Variants in MIS18BP1 observed in about 807,000 individuals in gnomAD.
MIS18BP1 encodes mis18-binding protein 1.
A neutral mutation model predicts 116.1 loss-of-function variants in MIS18BP1; 72 were observed. The observed-to-expected ratio is 0.62, with a 90% CI of 0.51 to 0.75. MIS18BP1 has a LOEUF of 0.75. Ranked by LOEUF, MIS18BP1 falls within the 30% of genes least tolerant of loss-of-function variation. The pLI is 0.00. For synonymous variants in MIS18BP1, 386 were observed against 427.0 expected, an observed-to-expected ratio of 0.90 and a Z score of 1.18; for missense variants, 1,363 against 1,303.2, an observed-to-expected ratio of 1.05 and a Z score of -0.71.
intron 6 of MIS18BP1, among the ~76,000 whole-genome samples, chr14:45,233,572 T>C (rs1207822334): frequency 6.6e-6 from 1 of 152,170 alleles, no homozygotes; most frequent in Non-Finnish European, 1.5e-5. Context: ...ACTGTAATGA[T>C]ACAAACAAAT....
rs746980135 is a variant in MIS18BP1 at position 45,242,205 on chromosome 14, T to A, written c.972A>T (p.Lys324Asn). The A allele has an allele frequency of 6.2e-7, 1 of 1,614,146 alleles. No individual in the cohort carries two copies. The highest frequency in any genetic ancestry group is 8.5e-7 in the Non-Finnish European group (1 of 1,180,006). ...SQQKVKEGNGKTVPGETGLPG... is the reference protein window; with the variant it reads ...SQQKVKEGNGNTVPGETGLPG... The stretch of plus-strand genomic sequence containing the variant: ...GAAGACCTGTCTCTCCAGGCACTGT[T>A]TTTCCATTTCCTTCCTTAACTTTCT... Residue 324 changes from lysine to asparagine, a missense_variant, in exon 4 of 17, where the codon AAA becomes AAT. Lys to Asn is a moderately conservative substitution (Grantham distance 94). Transcript: ENST00000310806.
At chr14:45,240,225 AT>A (rs1334393928) in intron 4 of MIS18BP1, among the ~76,000 whole-genome samples, 2 of 152,050 alleles carry the variant, frequency 1.3e-5, no homozygotes, top group Non-Finnish European at 2.9e-5. Flanking sequence ...TAATTCCAAC[AT>A]TTTTAGGACT....
At chr14:45,236,029 C>A in intron 5 of MIS18BP1, 85 bp from the exon 6 acceptor site, 1 of 1,207,604 alleles carries the variant, frequency 8.3e-7, no homozygotes, top group South Asian at 1.4e-5. Flanking sequence ...TTAGCTACAG[C>A]AACACTAAGA....
intron 4 of MIS18BP1, 28 bp from the exon 5 acceptor site, chr14:45,237,749 T>G: frequency 6.4e-7 from 1 of 1,565,196 alleles, no homozygotes. Flanking sequence ...AAAGAACATA[T>G]TTCCTGTATT....
intron 3 of MIS18BP1, 75 bp from the exon 4 acceptor site, chr14:45,242,593 G>C: frequency 6.7e-7 from 1 of 1,501,112 alleles, no homozygotes; most frequent in South Asian, 1.4e-5. Flanking sequence ...GATAAATTTA[G>C]GTTAGGAACG....
intron 8 of MIS18BP1, among the ~76,000 whole-genome samples, chr14:45,228,212 A>G (rs1208655688): frequency 6.6e-6 from 1 of 152,218 alleles, no homozygotes; most frequent in African/African-American, 2.4e-5. Flanking sequence ...AATATTTGTT[A>G]TAATTTGACT....
chr14:45,232,914 C>G (rs1329001285), intron 6 of MIS18BP1, 94 bp from the exon 7 acceptor site: 1 of 650,532 alleles, frequency 1.5e-6, no homozygotes, highest in Non-Finnish European at 2.7e-6. Context: ...AAATATGCAC[C>G]TATTGCTTAA....
intron 3 of MIS18BP1, 94 bp downstream of exon 3, chr14:45,242,667 C>A: frequency 6.8e-7 from 1 of 1,462,100 alleles, no homozygotes; most frequent in South Asian, 1.3e-5. Flanking sequence ...TTGTCCACAG[C>A]TAAAGTTTAA....
chr14:45,224,881 T>C (rs1240865036), intron 10 of MIS18BP1, 135 bp from the exon 11 acceptor site: 3 of 665,880 alleles, frequency 4.5e-6, no homozygotes, highest in Middle Eastern at 4.2e-4. Context: ...CCACCTGTCA[T>C]ATTAATCTTT....
chr14:45,223,851 A>G lies in MIS18BP1; in HGVS notation c.2669+67T>C, dbSNP rs1465538499. The G allele has an allele frequency of 4.1e-6, 5 of 1,220,152 alleles. No individual in the cohort carries two copies. In the South Asian group the frequency reaches 4.7e-5, roughly 12 times the overall value. The allele number at this position is 1,220,152 out of a possible 1,614,324, so 75.6% of individuals were successfully genotyped here. A position where few individuals can be genotyped will look rare whatever the true frequency, so the allele number is the denominator to read the frequency against. On this transcript the variant is annotated intron_variant, in intron 11 of 16. Transcript: ENST00000310806. ...TCTTCCATGTTAACCCCTTATTGCT[A>G]TTTTTATGTCTTTAACTGTCTTGTG...
intron 2 of MIS18BP1, 63 bp from the exon 3 acceptor site, chr14:45,242,937 G>A: frequency 9.0e-7 from 1 of 1,110,492 alleles, no homozygotes; most frequent in Non-Finnish European, 1.3e-6. Flanking sequence ...GAAAAAAACA[G>A]CTTTTAAAAT....
intron 13 of MIS18BP1, among the ~76,000 whole-genome samples, chr14:45,215,055 T>C (rs1890778424): frequency 1.3e-5 from 2 of 152,218 alleles, no homozygotes; most frequent in South Asian, 2.1e-4. Context: ...CCGGCAGTTC[T>C]GTTCTTTATG....
chr14:45,241,816 CAT>C lies in MIS18BP1; in HGVS notation c.1143+216_1143+217del, dbSNP rs1204669936. 1.5e-5 allele frequency: 7 copies of C among 478,480 alleles called. No homozygotes were observed. In the East Asian group the frequency reaches 2.0e-4, roughly 13 times the overall value. 29.6% of individuals were successfully genotyped at this position (478,480 alleles called of 1,614,324 possible). On this transcript the variant is annotated intron_variant, in intron 4 of 16. Transcript: ENST00000310806. ...AGTAATAGAGCAAAATAAGACTTAA[CAT>C]GTGGGTCTTCTTACATTCAACTCAC...
chr14:45,232,048 T>C (rs940654008), intron 7 of MIS18BP1, among the ~76,000 whole-genome samples: 1 of 152,168 alleles, frequency 6.6e-6, no homozygotes, highest in African/African-American at 2.4e-5. Flanking sequence ...TCCTTTGAGA[T>C]TTACTAAATA....
intron 11 of MIS18BP1, among the ~76,000 whole-genome samples, chr14:45,223,307 G>A (rs371803144): frequency 7.2e-4 from 109 of 152,280 alleles, no homozygotes; most frequent in African/African-American, 2.4e-3. Context: ...GGCCGGGCAC[G>A]GTGGCTTATG....
At chr14:45,234,233 A>C (rs903943528) in intron 6 of MIS18BP1, among the ~76,000 whole-genome samples, 1 of 152,182 alleles carries the variant, frequency 6.6e-6, no homozygotes, top group Non-Finnish European at 1.5e-5. Context: ...AAGAAAAAAA[A>C]AAAGAAAATT....
intron 5 of MIS18BP1, among the ~76,000 whole-genome samples, chr14:45,237,396 GA>G (rs1344515324): frequency 6.6e-6 from 1 of 151,968 alleles, no homozygotes; most frequent in Admixed American, 6.6e-5. Context: ...TAGCACCTCA[GA>G]AAAAAATAAA....
chr14:45,212,135 G>T (rs1201130391), intron 13 of MIS18BP1, among the ~76,000 whole-genome samples: 1 of 152,194 alleles, frequency 6.6e-6, no homozygotes, highest in Non-Finnish European at 1.5e-5. Context: ...GAGGCAAGGA[G>T]TTTGGAACTC....
chr14:45,232,436 A>AC (rs1555372032), intron 7 of MIS18BP1: 68 of 238,904 alleles, frequency 2.8e-4, no homozygotes, highest in African/African-American at 1.3e-3. Context: ...AAAAAAAAAA[A>AC]AACAACAACA....
Sources: allele counts gnomAD v4.1 joint callset (sites outside exome capture counted in the v4.1 genomes callset), GRCh38; gene constraint gnomAD v4.1.1; transcripts MANE v1.5; gene names NCBI Gene and HGNC (gene_info 2026-07-23, HGNC 2026-07-21).